RERE: variants seen among roughly 807,000 people sequenced by gnomAD.
The protein encoded by RERE is arginine-glutamic acid dipeptide repeats protein.
RERE carries 40 observed loss-of-function variants against 146.1 expected under a neutral mutation model. The ratio of observed to expected loss-of-function variants is 0.27; its 90% CI spans 0.21 to 0.36. RERE has a LOEUF of 0.36. Among genes scored for constraint, RERE ranks in the 10% least tolerant of loss-of-function variants. RERE has a pLI of 1.00. For synonymous variants in RERE, 1,003 were observed against 866.0 expected (o/e 1.16, Z -2.78); for missense variants, 1,933 against 2,138.7 (o/e 0.90, Z 1.90).
At chr1:8,602,945 A>G (rs1646651856) in intron 4 of RERE, among the ~76,000 whole-genome samples, 1 of 152,196 alleles carries the variant, frequency 6.6e-6, no homozygotes, top group South Asian at 2.1e-4. Flanking sequence ...ACTGGGGACA[A>G]AAAGGTGAAT....
intron 12 of RERE, among the ~76,000 whole-genome samples, chr1:8,388,585 C>G (rs1304041201): frequency 1.3e-5 from 2 of 152,176 alleles, no homozygotes; most frequent in African/African-American, 4.8e-5. Context: ...TCCCAAAGTG[C>G]TGGGATTACA....
At chr1:8,544,907 G>A (rs570494775) in intron 6 of RERE, among the ~76,000 whole-genome samples, 1 of 152,264 alleles carries the variant, frequency 6.6e-6, no homozygotes, top group African/African-American at 2.4e-5. Flanking sequence ...CACCAGGATT[G>A]GCTCTGACTG....
At position 8,361,000 on chromosome 1, in the gene RERE, G is replaced by A. The variant is rs1239182312; in HGVS notation, c.2507C>T (p.Pro836Leu). 2.1e-5 allele frequency: 30 copies of A among 1,438,344 alleles called. No individual in the cohort carries two copies. The highest frequency in any genetic ancestry group is 7.6e-5 in the East Asian group (3 of 39,454). 89.1% of individuals were successfully genotyped at this position (1,438,344 alleles called of 1,614,324 possible). A position where few individuals can be genotyped will look rare whatever the true frequency, so the allele number is the denominator to read the frequency against. ...LQPLTGSAGQ[P>L]SAPSHAQPPL... Reference sequence around the variant, plus strand: ...GGGCTGGGCATGAGAGGGTGCAGAAGGCTGGCCCGCCGACCCAGTCAGAGG... The same window carrying A: ...GGGCTGGGCATGAGAGGGTGCAGAAAGCTGGCCCGCCGACCCAGTCAGAGG... The change falls in exon 18 of 23, where the codon CCT (proline) becomes CTT (leucine). Residue 836 changes from proline (P) to leucine (L), a missense_variant. Physicochemically the swap from Pro to Leu is moderately conservative, Grantham distance 98. Coordinates refer to ENST00000400908, the MANE Select transcript of RERE (RefSeq NM_001042681.2).
At chr1:8,813,307 T>A (rs568058198) in intron 1 of RERE, among the ~76,000 whole-genome samples, 1 of 152,354 alleles carries the variant, frequency 6.6e-6, no homozygotes, top group African/African-American at 2.4e-5. Flanking sequence ...AACCTTTAAA[T>A]CGACTGCAAA....
In RERE at chr1:8,646,727, A is replaced by C. The variant is rs150269053; in HGVS notation, c.325+9246T>G. ...AGATAGACACAGAGATATGTACACA[A>C]AGAGAATGCTATGAAAGATCACCAC... On this transcript the variant is annotated intron_variant, in intron 2 of 22. Transcript: ENST00000400908. Among the ~76,000 whole-genome samples, 612 of 152,322 alleles carry C rather than the reference A, an allele frequency of 4.0e-3. 5 individuals carry two copies. The highest frequency in any genetic ancestry group is 0.014 in the African/African-American group (588 of 41,568).
intron 12 of RERE, among the ~76,000 whole-genome samples, chr1:8,379,529 T>C (rs537481667): frequency 2.6e-5 from 4 of 152,260 alleles, no homozygotes; most frequent in African/African-American, 9.6e-5. Flanking sequence ...GCCATGGATC[T>C]CCGAATCTGT....
Position 8,739,081 on chromosome 1 carries a change from C to A in RERE, c.-145+78079G>T, listed in dbSNP as rs1342577685. On this transcript the variant is annotated intron_variant, in intron 1 of 22. Coordinates refer to ENST00000400908, the MANE Select transcript of RERE (RefSeq NM_001042681.2). The stretch of plus-strand genomic sequence containing the variant: ...GAAAGAAACTACATGGTAATTTGAA[C>A]AAGGGAAGATAAAAAATCATTAACT... 3.3e-5 allele frequency among the ~76,000 whole-genome samples: 5 copies of A among 152,234 alleles called. 1 individual carries two copies. In the Middle Eastern group the frequency reaches 0.017, roughly 518 times the overall value.
At position 8,423,551 on chromosome 1, in the gene RERE, G is replaced by A. The variant is rs920099171; in HGVS notation, c.1204-744C>T. ...CCCGGTGGGGGCAGCTCCTGGCTCC[G>A]AGCCCCCACCTCGGGGCTCCCAGCC... On this transcript the variant is annotated intron_variant, in intron 11 of 22. Transcript: ENST00000400908. The surrounding 1 kb of genome is among the most constrained non-coding windows in gnomAD (Gnocchi z 5.4). 2.2e-5 allele frequency: 22 copies of A among 985,002 alleles called. No individual in the cohort carries two copies. The highest frequency in any genetic ancestry group is 2.7e-5 in the Non-Finnish European group (22 of 829,758). 61.0% of individuals were successfully genotyped at this position (985,002 alleles called of 1,614,324 possible). A position where few individuals can be genotyped will look rare whatever the true frequency, so the allele number is the denominator to read the frequency against.
chr1:8,569,433 G>C (rs1646193207), intron 4 of RERE, among the ~76,000 whole-genome samples: 1 of 152,158 alleles, frequency 6.6e-6, no homozygotes, highest in African/African-American at 2.4e-5. Context: ...CACATCAATG[G>C]TGGGGTCAGA....
At chr1:8,797,529 T>C (rs1187724132) in intron 1 of RERE, among the ~76,000 whole-genome samples, 1 of 152,194 alleles carries the variant, frequency 6.6e-6, no homozygotes, top group Non-Finnish European at 1.5e-5. Context: ...ATGACCAGAC[T>C]AACTAGAAAG....
rs745466193 is a variant in RERE, at chr1:8,508,658, T to G, written c.848A>C (p.Gln283Pro). 1 of 1,613,494 alleles carries G rather than the reference T, an allele frequency of 6.2e-7. No individual in the cohort carries two copies. The highest frequency in any genetic ancestry group is 8.5e-7 in the Non-Finnish European group (1 of 1,179,430). Residue 283 changes from glutamine to proline, a missense_variant, in exon 8 of 23, where the codon CAG becomes CCG. Transcript: ENST00000400908. Reference sequence around the variant, plus strand: ...ACTAGGACCGACACGAATCTCCCCCTGGGTACTGTTCAGCCTCCTGGAACA... The same window carrying G: ...ACTAGGACCGACACGAATCTCCCCCGGGGTACTGTTCAGCCTCCTGGAACA... ...NPETRRLNST[Q>P]GEIRVGPSHQ...
chr1:8,634,248 C>A (rs1320047185), intron 2 of RERE, among the ~76,000 whole-genome samples: 1 of 152,204 alleles, frequency 6.6e-6, no homozygotes, highest in Non-Finnish European at 1.5e-5. Flanking sequence ...CACCAACTTA[C>A]AACCTGTTCT....
At chr1:8,465,708 A>G (rs1250295328) in intron 11 of RERE, 1 of 639,858 alleles carries the variant, frequency 1.6e-6, no homozygotes, top group East Asian at 3.1e-5. Flanking sequence ...AAGTTGGACA[A>G]TCTTTCCCGA....
At chr1:8,662,703 A>G (rs938782885) in intron 1 of RERE, among the ~76,000 whole-genome samples, 26 of 152,036 alleles carry the variant, frequency 1.7e-4, no homozygotes, top group Admixed American at 1.7e-3. Context: ...GTCTCTTAAA[A>G]AACAAAAAAA....
In RERE at chr1:8,690,438, T is replaced by C. The variant is rs534503249; in HGVS notation, c.-144-33997A>G. ...CTTGAACATAGGAATTTTGAGGCAA[T>C]ACAATTCAGTCCACGGCACTCGCCT... On this transcript the variant is annotated intron_variant, in intron 1 of 22. Coordinates refer to ENST00000400908, the MANE Select transcript of RERE (RefSeq NM_001042681.2). Among the ~76,000 whole-genome samples, 17 of 152,302 alleles carry C rather than the reference T, an allele frequency of 1.1e-4. No homozygotes were observed. In the South Asian group the frequency reaches 3.5e-3, roughly 32 times the overall value.
intron 1 of RERE, among the ~76,000 whole-genome samples, chr1:8,788,362 GTTTTTT>G (rs372484015): frequency 7.4e-6 from 1 of 134,776 alleles, no homozygotes. Context: ...TTATCAAGGA[GTTTTTT>G]TTTTTTTTTT....
In RERE at chr1:8,607,534, C is replaced by CTTTTTTTTTTTTTTTTTTTTT. The variant is rs1167501074; in HGVS notation, c.522+7006_522+7026dup. Among the ~76,000 whole-genome samples, 37 of 48,584 alleles carry CTTTTTTTTTTTTTTTTTTTTT rather than the reference C, an allele frequency of 7.6e-4. 8 individuals are homozygous for CTTTTTTTTTTTTTTTTTTTTT. The highest frequency in any genetic ancestry group is 9.4e-4 in the African/African-American group (11 of 11,664). The allele number at this position is 48,584 out of a possible 152,430, so 31.9% of individuals were successfully genotyped here. On this transcript the variant is annotated intron_variant, in intron 4 of 22. Transcript: ENST00000400908. The stretch of plus-strand genomic sequence containing the variant: ...CGCATATTTGTTTTTATATATATTT[C>CTTTTTTTTTTTTTTTTTTTTT]TTTTTTTTTTTTTTTTTTTTTTTTT...
At position 8,366,727 on chromosome 1, in the gene RERE, T is replaced by C. The variant is rs531376303; in HGVS notation, c.1285-753A>G. ...CACCACAAGGTCAGGCTTCTTTTCA[T>C]GGCCCAGCAGAAACAAAAGCAAGAT... On this transcript the variant is annotated intron_variant, in intron 12 of 22. Coordinates refer to ENST00000400908, the MANE Select transcript of RERE (RefSeq NM_001042681.2). 8.8e-4 allele frequency among the ~76,000 whole-genome samples: 134 copies of C among 152,262 alleles called. 2 individuals are homozygous for C. The highest frequency in any genetic ancestry group is 3.2e-3 in the African/African-American group (131 of 41,552).
At chr1:8,434,210 C>T (rs958545969) in intron 11 of RERE, among the ~76,000 whole-genome samples, 6 of 152,134 alleles carry the variant, frequency 3.9e-5, no homozygotes, top group Admixed American at 2.6e-4. Context: ...GTGTGTGAGG[C>T]CAGCAAGAGT....
Sources: gnomAD v4.1 joint callset for allele counts (sites outside exome capture counted in the v4.1 genomes callset) on GRCh38, gnomAD v4.1.1 for gene constraint, Gnocchi (gnomAD v3.1) non-coding constraint, MANE v1.5 for transcripts, NCBI Gene and HGNC (gene_info 2026-07-23, HGNC 2026-07-21) for gene names.